Variants in LIMS2 observed in about 807,000 individuals in gnomAD.
The protein encoded by LIMS2 is LIM zinc finger domain containing 2.
In LIMS2, 30 loss-of-function variants were observed where a neutral mutation model predicts 45.3. The observed-to-expected ratio is 0.66, with a 90% CI of 0.50 to 0.90. The LOEUF (loss-of-function observed/expected upper bound fraction) is 0.90, where lower values mean the gene tolerates loss of function less well. Among genes scored for constraint, LIMS2 ranks in the 40% least tolerant of loss-of-function variants. The pLI is 0.00. For synonymous variants in LIMS2, 173 were observed against 188.0 expected, an observed-to-expected ratio of 0.92 and a Z score of 0.65; for missense variants, 485 against 468.7, an observed-to-expected ratio of 1.03 and a Z score of -0.32.
intron 1 of LIMS2, among the ~76,000 whole-genome samples, chr2:127,665,900 A>G (rs1684975649): frequency 5.3e-5 from 8 of 152,250 alleles, no homozygotes; most frequent in Admixed American, 5.2e-4. Context: ...TGTTTTGTGC[A>G]ACATAATCTG....
chr2:127,663,953 T>C (rs1684842504), intron 1 of LIMS2, among the ~76,000 whole-genome samples: 1 of 152,166 alleles, frequency 6.6e-6, no homozygotes, highest in African/African-American at 2.4e-5. Context: ...TAGCCATGTT[T>C]GGGGTGGGTG....
In LIMS2 at chr2:127,675,034, G is replaced by C. The variant is rs1271663526; in HGVS notation, c.-10C>G. On this transcript the variant is annotated 5_prime_UTR_variant, in exon 1 of 10. Transcript: ENST00000355119. The stretch of plus-strand genomic sequence containing the variant: ...GTTACCTTCCCGTCATGGTGGCAGC[G>C]ACGCCGAGCCCTGGGTTGCCGGGGT... 1 of 1,229,416 alleles carries C rather than the reference G, an allele frequency of 8.1e-7. No homozygotes were observed. Among genetic ancestry groups the C allele is most frequent in the East Asian group, 3.2e-5 (1 of 31,514 alleles). 76.2% of individuals were successfully genotyped at this position (1,229,416 alleles called of 1,614,324 possible). A position where few individuals can be genotyped will look rare whatever the true frequency, so the allele number is the denominator to read the frequency against.
intron 4 of LIMS2, chr2:127,650,150 G>A (rs1683579862): frequency 7.4e-7 from 1 of 1,357,248 alleles, no homozygotes; most frequent in Admixed American, 2.0e-5. Flanking sequence ...CCTCCTAAGT[G>A]CCAGGGGCAA....
Position 127,675,335 on chromosome 2 carries a change from G to T in LIMS2, c.-311C>A. 1 of 147,812 alleles carries T rather than the reference G, an allele frequency of 6.8e-6. No individual in the cohort carries two copies. Among genetic ancestry groups the T allele is most frequent in the African/African-American group, 3.0e-5 (1 of 33,276 alleles). The allele number at this position is 147,812 out of a possible 1,614,324, so 9.2% of individuals were successfully genotyped here. ...GGGTGGCGGCGGGTAGGGTTGGAGG[G>T]GTGGGGGTTAAAGGTGGGGCTGACG... On this transcript the variant is annotated 5_prime_UTR_variant, in exon 1 of 10. Coordinates refer to ENST00000355119, the MANE Select transcript of LIMS2 (RefSeq NM_001161403.3).
At chr2:127,651,958 G>T in intron 4 of LIMS2, 1 of 614,772 alleles carries the variant, frequency 1.6e-6, no homozygotes, top group Non-Finnish European at 2.9e-6. Flanking sequence ...CTCTGCAGGG[G>T]CTTGTGATGG....
In LIMS2 at chr2:127,640,099, G is replaced by A. The variant is rs1343463384; in HGVS notation, c.849C>T (p.Cys283=). ...GGGTGAGCTTGCTGTTGCAGGTGGA[G>A]CAGGAGAAGCAGCTCACACACCAGG... is the stretch of plus-strand genomic sequence containing the variant. ...NKAWCVSCFS[C]STCNSKLTLK... is the part of the protein sequence containing the mutation. Residue 283 remains cysteine, a synonymous_variant, in exon 9 of 10, where the codon TGC becomes TGT. Transcript: ENST00000355119. The A allele has an allele frequency of 1.2e-6, 2 of 1,613,512 alleles. No individual in the cohort carries two copies. Among genetic ancestry groups the A allele is most frequent in the Non-Finnish European group, 1.7e-6 (2 of 1,179,998 alleles).
chr2:127,647,014 G>T lies in LIMS2; in HGVS notation c.360-3942C>A, dbSNP rs184400228. On this transcript the variant is annotated intron_variant, in intron 4 of 9. Transcript: ENST00000355119. This position sits in a 1 kb window ranked among gnomAD's most constrained non-coding sequence, Gnocchi z 4.3. ...AGAGAGAGCGAGGGGCACGCCCTTC[G>T]GCCCGGGCAGGAAGTGGAGGGCAGT... Among the ~76,000 whole-genome samples the T allele has an allele frequency of 6.6e-6, 1 of 152,136 alleles. No individual in the cohort carries two copies. Among genetic ancestry groups the T allele is most frequent in the African/African-American group, 2.4e-5 (1 of 41,424 alleles).
rs983977413 is a variant in LIMS2, at chr2:127,673,576, G to A, written c.11+1438C>T. 5.0e-6 allele frequency: 6 copies of A among 1,197,218 alleles called. No individual in the cohort carries two copies. In the African/African-American group the frequency reaches 6.1e-5, roughly 12 times the overall value. 74.2% of individuals were successfully genotyped at this position (1,197,218 alleles called of 1,614,324 possible). A position where few individuals can be genotyped will look rare whatever the true frequency, so the allele number is the denominator to read the frequency against. Reference sequence around the variant, plus strand: ...CAGGGGCAAGAGGACCCTTGCCAGGGAGCAGTGGCACCTCGGGGCCTCCCA... The same window carrying A: ...CAGGGGCAAGAGGACCCTTGCCAGGAAGCAGTGGCACCTCGGGGCCTCCCA... On this transcript the variant is annotated intron_variant, in intron 1 of 9. Transcript: ENST00000355119.
At chr2:127,660,623 C>G (rs749781842) in intron 1 of LIMS2, among the ~76,000 whole-genome samples, 1 of 152,188 alleles carries the variant, frequency 6.6e-6, no homozygotes, top group Non-Finnish European at 1.5e-5. Flanking sequence ...CATATCTGAA[C>G]GTCTGAAGGA....
chr2:127,675,695 G>T (rs370708983), upstream of LIMS2, among the ~76,000 whole-genome samples: 1 of 152,296 alleles, frequency 6.6e-6, no homozygotes, highest in East Asian at 1.9e-4. Context: ...TAGGCGTGGG[G>T]GCGATGCTGA....
At position 127,639,190 on chromosome 2, in the gene LIMS2, G is replaced by A; in HGVS notation, c.*91C>T. On this transcript the variant is annotated 3_prime_UTR_variant, in exon 10 of 10. Coordinates refer to ENST00000355119, the MANE Select transcript of LIMS2 (RefSeq NM_001161403.3). The stretch of plus-strand genomic sequence containing the variant: ...AGAGAAAGGGAGGGTAAGATGCGGA[G>A]GGCACAGGTGGATGGGGACGAGGGG... 2.9e-6 allele frequency: 4 copies of A among 1,362,032 alleles called. No individual in the cohort carries two copies. The highest frequency in any genetic ancestry group is 4.1e-6 in the Non-Finnish European group (4 of 980,466). 84.4% of individuals were successfully genotyped at this position (1,362,032 alleles called of 1,614,324 possible).
intron 1 of LIMS2, chr2:127,674,587 G>A: frequency 4.1e-6 from 4 of 965,070 alleles, no homozygotes; most frequent in Non-Finnish European, 4.9e-6. Context: ...GGTTTACAGA[G>A]GAGGAAACGG....
chr2:127,652,654 T>C (rs1166225554), intron 4 of LIMS2: 1 of 158,860 alleles, frequency 6.3e-6, no homozygotes, highest in Non-Finnish European at 1.5e-5. Context: ...GGTTGTTATG[T>C]TTGGTCAACA....
upstream of LIMS2, among the ~76,000 whole-genome samples, chr2:127,678,889 C>T (rs559974165): frequency 3.9e-4 from 60 of 152,200 alleles, 1 homozygote; most frequent in Admixed American, 3.7e-3. The surrounding 1 kb of genome is among the most constrained non-coding windows in gnomAD (Gnocchi z 5.3). Context: ...CATTCTCCAG[C>T]GTAGATGCAG....
intron 4 of LIMS2, 121 bp downstream of exon 4, chr2:127,654,303 G>T: frequency 7.4e-7 from 1 of 1,345,394 alleles, no homozygotes; most frequent in Non-Finnish European, 1.0e-6. Context: ...CTACATCAGT[G>T]CAGGCTGCAG....
At chr2:127,656,767 C>T (rs766857305) in intron 2 of LIMS2, among the ~76,000 whole-genome samples, 3 of 152,172 alleles carry the variant, frequency 2.0e-5, no homozygotes, top group Non-Finnish European at 4.4e-5. Context: ...CTCCACACCC[C>T]GAGGTGGCTC....
chr2:127,680,410 G>A (rs896440084), upstream of LIMS2, among the ~76,000 whole-genome samples: 1 of 152,230 alleles, frequency 6.6e-6, no homozygotes, highest in African/African-American at 2.4e-5. Flanking sequence ...CTATGATTGT[G>A]TCACTGCACT....
At position 127,672,556 on chromosome 2, in the gene LIMS2, C is replaced by T. The variant is rs1685315956; in HGVS notation, c.11+2458G>A. Among the ~76,000 whole-genome samples the T allele has an allele frequency of 6.6e-6, 1 of 152,208 alleles. No homozygotes were observed. Among genetic ancestry groups the T allele is most frequent in the South Asian group, 2.1e-4 (1 of 4,824 alleles). On this transcript the variant is annotated intron_variant, in intron 1 of 9. Coordinates refer to ENST00000355119, the MANE Select transcript of LIMS2 (RefSeq NM_001161403.3). This position sits in a 1 kb window ranked among gnomAD's most constrained non-coding sequence, Gnocchi z 4.9. ...CCCGAGCCCCACCCTCTGTGGCCCA[C>T]CTCACAGCCAGTCAGTTGGGTCCTG... is the stretch of plus-strand genomic sequence containing the variant.
At chr2:127,674,123 G>A in intron 1 of LIMS2, 1 of 285,380 alleles carries the variant, frequency 3.5e-6, no homozygotes, top group East Asian at 8.3e-5. Flanking sequence ...CTGCAATCCT[G>A]GACACTGCCC....
Sources: gnomAD v4.1 joint callset for allele counts (sites outside exome capture counted in the v4.1 genomes callset) on GRCh38, gnomAD v4.1.1 for gene constraint, Gnocchi (gnomAD v3.1) non-coding constraint, MANE v1.5 for transcripts, NCBI Gene and HGNC (gene_info 2026-07-23, HGNC 2026-07-21) for gene names.